Variants in APC2 observed in about 807,000 individuals in gnomAD.
APC2 encodes adenomatous polyposis coli protein 2.
A neutral mutation model predicts 72.5 loss-of-function variants in APC2; 41 were observed. The observed-to-expected ratio is 0.57, with a 90% CI of 0.44 to 0.73. The LOEUF (loss-of-function observed/expected upper bound fraction) is 0.73. Among genes scored for constraint, APC2 ranks in the 30% least tolerant of loss-of-function variants. APC2 has a pLI of 0.00. For synonymous variants in APC2, 1,898 were observed against 1,612.0 expected, an observed-to-expected ratio of 1.18 and a Z score of -4.25; for missense variants, 3,729 against 3,403.4, an observed-to-expected ratio of 1.10 and a Z score of -2.38.
chr19:1,456,824 A>G, intron 8 of APC2, 29 bp from the exon 9 acceptor site: 1 of 1,580,344 alleles, frequency 6.3e-7, no homozygotes, highest in Admixed American at 1.8e-5. Flanking sequence ...CAGGTGAGGG[A>G]CCCCACCCTG....
intron 4 of APC2, 64 bp from the exon 5 acceptor site, chr19:1,455,084 CA>C: frequency 9.6e-7 from 1 of 1,044,858 alleles, no homozygotes; most frequent in East Asian, 3.7e-5. Context: ...CAAGTGATTA[CA>C]AATATCAAAA....
At chr19:1,450,058 C>A, upstream of APC2, 1 of 895,320 alleles carries the variant, frequency 1.1e-6, no homozygotes, top group South Asian at 5.1e-5. Flanking sequence ...GGCACCAGCC[C>A]GTCTTCCCGC....
intron 14 of APC2, among the ~76,000 whole-genome samples, chr19:1,464,890 A>G (rs1326636492): frequency 6.6e-6 from 1 of 150,376 alleles, no homozygotes; most frequent in African/African-American, 2.5e-5. Context: ...CACTTGGCCT[A>G]CCAAAGTACT....
chr19:1,468,757 C>T lies in APC2; in HGVS notation c.5456C>T (p.Ala1819Val). ...PGPRATPRKV[A>V]PPCLAQPAAP... ...CCCCGCGCCACACCGCGGAAGGTGG[C>T]GCCCCCTTGCCTGGCACAGCCCGCG... The change falls in exon 15 of 15, where the codon GCG becomes GTG. Residue 1819 changes from alanine to valine, a missense_variant. Ala to Val is a moderately conservative substitution (Grantham distance 64). Transcript: ENST00000590469. 1 of 1,497,584 alleles carries T rather than the reference C, an allele frequency of 6.7e-7. No homozygotes were observed. Among genetic ancestry groups the T allele is most frequent in the Non-Finnish European group, 8.9e-7 (1 of 1,122,984 alleles). The allele number at this position is 1,497,584 out of a possible 1,614,324, so 92.8% of individuals were successfully genotyped here.
Position 1,457,052 on chromosome 19 carries a change from G to A in APC2, c.1016G>A (p.Gly339Asp), listed in dbSNP as rs772162693. The A allele has an allele frequency of 6.5e-7, 1 of 1,532,130 alleles. No individual in the cohort carries two copies. Among genetic ancestry groups the A allele is most frequent in the South Asian group, 1.2e-5 (1 of 82,648 alleles). 94.9% of individuals were successfully genotyped at this position (1,532,130 alleles called of 1,614,324 possible). ...CGCGCCGGGGCCCCAGGGGCACCGGGCGCCAAGGACGCACGCATGCGCGCC... is the reference window on the plus strand; with the variant it reads ...CGCGCCGGGGCCCCAGGGGCACCGGACGCCAAGGACGCACGCATGCGCGCC... ...GGRAGAPGAP[G>D]AKDARMRANA... Residue 339 changes from glycine (G) to aspartate (D), a missense_variant, in exon 9 of 15, where the codon GGC becomes GAC. Coordinates refer to ENST00000590469, the MANE Select transcript of APC2 (RefSeq NM_005883.3).
chr19:1,454,811 C>A (rs958815309), intron 4 of APC2, among the ~76,000 whole-genome samples: 1 of 152,198 alleles, frequency 6.6e-6, no homozygotes, highest in African/African-American at 2.4e-5. Context: ...TCGTGATCCG[C>A]CTGCCTCAGC....
In APC2 at chr19:1,452,867, C is replaced by A; in HGVS notation, c.-18-117C>A. 7.8e-7 allele frequency: 1 copy of A among 1,286,174 alleles called. No homozygotes were observed. The allele number at this position is 1,286,174 out of a possible 1,614,324, so 79.7% of individuals were successfully genotyped here. On this transcript the variant is annotated intron_variant, in intron 1 of 14. Coordinates refer to ENST00000590469, the MANE Select transcript of APC2 (RefSeq NM_005883.3). This position sits in a 1 kb window ranked among gnomAD's most constrained non-coding sequence, Gnocchi z 5.1. ...CACCAGTGACTCCTGCCTGAGACCC[C>A]CCCCAACCCAGGATCAGGCAGGACG...
Position 1,465,197 on chromosome 19 carries a change from G to T in APC2, c.1896G>T (p.Gln632His). 1 of 1,608,740 alleles carries T rather than the reference G, an allele frequency of 6.2e-7. No homozygotes were observed. Among genetic ancestry groups the T allele is most frequent in the Non-Finnish European group, 8.5e-7 (1 of 1,178,450 alleles). ...RDHNCLQTLLQHLTSHSLTIV... is the reference protein window; with the variant it reads ...RDHNCLQTLLHHLTSHSLTIV... ...ACAACTGTCTGCAGACGCTGCTGCA[G>T]CATCTGACTTCGCACAGCCTGACCA... The change falls in exon 15 of 15, where the codon CAG becomes CAT. Residue 632 changes from glutamine (Q) to histidine (H), a missense_variant. Coordinates refer to ENST00000590469, the MANE Select transcript of APC2 (RefSeq NM_005883.3).
Position 1,466,927 on chromosome 19 carries a change from G to C in APC2, c.3626G>C (p.Ser1209Thr). 6.3e-7 allele frequency: 1 copy of C among 1,595,256 alleles called. No individual in the cohort carries two copies. ...PDSPGQTMPPSRSKTPPLAPA... is the reference protein window; with the variant it reads ...PDSPGQTMPPTRSKTPPLAPA... ...AGCCCCGGACAGACCATGCCTCCCA[G>C]CCGGAGCAAGACGCCACCGCTGGCG... is the stretch of plus-strand genomic sequence containing the variant. The change falls in exon 15 of 15, where the codon AGC (serine) becomes ACC (threonine). Residue 1209 changes from serine (S) to threonine (T), a missense_variant. By Grantham distance (58) the Ser-to-Thr change is moderately conservative. Coordinates refer to ENST00000590469, the MANE Select transcript of APC2 (RefSeq NM_005883.3).
chr19:1,468,208 C>T lies in APC2; in HGVS notation c.4907C>T (p.Ala1636Val), dbSNP rs1183396941. 1 of 1,475,348 alleles carries T rather than the reference C, an allele frequency of 6.8e-7. No individual in the cohort carries two copies. Among genetic ancestry groups the T allele is most frequent in the Non-Finnish European group, 8.9e-7 (1 of 1,122,246 alleles). The allele number at this position is 1,475,348 out of a possible 1,614,324, so 91.4% of individuals were successfully genotyped here. A position where few individuals can be genotyped will look rare whatever the true frequency, so the allele number is the denominator to read the frequency against. Residue 1636 changes from alanine to valine, a missense_variant, in exon 15 of 15, where the codon GCC (alanine) becomes GTC (valine). Ala to Val is a moderately conservative substitution (Grantham distance 64). Coordinates refer to ENST00000590469, the MANE Select transcript of APC2 (RefSeq NM_005883.3). ...EELLQRCISSALPRRRPPVSG... is the reference protein window; with the variant it reads ...EELLQRCISSVLPRRRPPVSG... The stretch of plus-strand genomic sequence containing the variant: ...CTTCTGCAGCGGTGCATCAGCTCGG[C>T]CCTGCCCAGGCGCCGGCCCCCCGTG...
chr19:1,470,316 G>T lies in APC2; in HGVS notation c.*103G>T. On this transcript the variant is annotated 3_prime_UTR_variant, in exon 15 of 15. Transcript: ENST00000590469. ...GACGTCCCCCATAGGTCGCCCCAGGGCCTCTGCCCACCCGAGCCCCACCAC... is the reference window on the plus strand; with the variant it reads ...GACGTCCCCCATAGGTCGCCCCAGGTCCTCTGCCCACCCGAGCCCCACCAC... 1 of 1,385,470 alleles carries T rather than the reference G, an allele frequency of 7.2e-7. No homozygotes were observed. Among genetic ancestry groups the T allele is most frequent in the Non-Finnish European group, 9.4e-7 (1 of 1,065,312 alleles). 85.8% of individuals were successfully genotyped at this position (1,385,470 alleles called of 1,614,324 possible). A position where few individuals can be genotyped will look rare whatever the true frequency, so the allele number is the denominator to read the frequency against.
chr19:1,451,626 G>T (rs543807847), intron 1 of APC2: 1 of 152,308 alleles, frequency 6.6e-6, no homozygotes, highest in African/African-American at 2.4e-5. Context: ...CTCCAGCCTG[G>T]ACTTCCCAGC....
At position 1,468,175 on chromosome 19, in the gene APC2, C is replaced by T. The variant is rs1321678250; in HGVS notation, c.4874C>T (p.Ala1625Val). The T allele has an allele frequency of 6.9e-6, 10 of 1,452,512 alleles. No individual in the cohort carries two copies. Among genetic ancestry groups the T allele is most frequent in the Middle Eastern group, 4.7e-4 (2 of 4,232 alleles). 90.0% of individuals were successfully genotyped at this position (1,452,512 alleles called of 1,614,324 possible). A position where few individuals can be genotyped will look rare whatever the true frequency, so the allele number is the denominator to read the frequency against. The change falls in exon 15 of 15, where the codon GCG becomes GTG. Residue 1625 changes from alanine to valine, a missense_variant. Coordinates refer to ENST00000590469, the MANE Select transcript of APC2 (RefSeq NM_005883.3). ...GRDSSPSPRA[A>V]EELLQRCISS... is the part of the protein sequence containing the mutation. ...GACAGCTCGCCCAGCCCGCGGGCCG[C>T]GGAGGAGCTTCTGCAGCGGTGCATC... is the stretch of plus-strand genomic sequence containing the variant.
upstream of APC2, among the ~76,000 whole-genome samples, chr19:1,449,507 G>T (rs755785569): frequency 6.6e-6 from 1 of 152,178 alleles, no homozygotes; most frequent in Non-Finnish European, 1.5e-5. Flanking sequence ...GAGAACAGAG[G>T]GGGAGACAGA....
Position 1,452,140 on chromosome 19 carries a change from G to C in APC2, c.-18-844G>C, listed in dbSNP as rs980649429. The C allele has an allele frequency of 6.5e-6, 1 of 152,986 alleles. No homozygotes were observed. The highest frequency in any genetic ancestry group is 2.4e-5 in the African/African-American group (1 of 41,362). 9.5% of individuals were successfully genotyped at this position (152,986 alleles called of 1,614,324 possible). A position where few individuals can be genotyped will look rare whatever the true frequency, so the allele number is the denominator to read the frequency against. On this transcript the variant is annotated intron_variant, in intron 1 of 14. Coordinates refer to ENST00000590469, the MANE Select transcript of APC2 (RefSeq NM_005883.3). This position sits in a 1 kb window ranked among gnomAD's most constrained non-coding sequence, Gnocchi z 5.1. ...GCGTGAAGGGGGGCTCCGGCGGGAG[G>C]GCCGAGCCGAGGGAGGAGGCGCCGG...
rs778394276 is a variant in APC2 at position 1,456,890 on chromosome 19, C to T, written c.854C>T (p.Thr285Met). 3 of 1,591,796 alleles carry T rather than the reference C, an allele frequency of 1.9e-6. No individual in the cohort carries two copies. The highest frequency in any genetic ancestry group is 2.6e-6 in the Non-Finnish European group (3 of 1,175,750). ...TTCTGGCTGTTGTCCATGTTGGCGA[C>T]GCGCGACCAGGAGGATACAGCGCGC... is the stretch of plus-strand genomic sequence containing the variant. ...VVFWLLSMLA[T>M]RDQEDTARTL... is the part of the protein sequence containing the mutation. Residue 285 changes from threonine (T) to methionine (M), a missense_variant, in exon 9 of 15, where the codon ACG becomes ATG. Coordinates refer to ENST00000590469, the MANE Select transcript of APC2 (RefSeq NM_005883.3).
Position 1,469,979 on chromosome 19 carries a change from C to T in APC2, c.6678C>T (p.Leu2226=). 6.6e-7 allele frequency: 1 copy of T among 1,525,938 alleles called. No individual in the cohort carries two copies. The highest frequency in any genetic ancestry group is 1.4e-5 in the African/African-American group (1 of 71,372). 94.5% of individuals were successfully genotyped at this position (1,525,938 alleles called of 1,614,324 possible). A position where few individuals can be genotyped will look rare whatever the true frequency, so the allele number is the denominator to read the frequency against. Residue 2226 remains leucine (L), a synonymous_variant, in exon 15 of 15, where the codon CTC becomes CTT. Transcript: ENST00000590469. ...GAPAGGQLSL[L]GSDVDGPSLA... Reference sequence around the variant, plus strand: ...CCGCCGGCGGCCAGCTCTCCCTCCTCGGCAGCGACGTGGACGGTCCCAGCC... The same window carrying T: ...CCGCCGGCGGCCAGCTCTCCCTCCTTGGCAGCGACGTGGACGGTCCCAGCC...
chr19:1,460,557 T>C (rs891843593), intron 11 of APC2, among the ~76,000 whole-genome samples: 22 of 152,162 alleles, frequency 1.4e-4, no homozygotes, highest in Non-Finnish European at 7.4e-5. Context: ...CTGCAGAAAA[T>C]GGCCCTCATT....
At chr19:1,453,410 G>T (rs574210021) in intron 3 of APC2, 21 bp from the exon 4 acceptor site, 3 of 1,607,276 alleles carry the variant, frequency 1.9e-6, no homozygotes, top group Non-Finnish European at 2.6e-6. Context: ...GCTGACCTCC[G>T]CCCTGTCCCC....
Sources: allele counts gnomAD v4.1 joint callset (sites outside exome capture counted in the v4.1 genomes callset), GRCh38; gene constraint gnomAD v4.1.1; non-coding constraint Gnocchi (gnomAD v3.1); transcripts MANE v1.5; gene names NCBI Gene and HGNC (gene_info 2026-07-23, HGNC 2026-07-21).